The following LIN28B variants were observed in gnomAD, a reference collection of about 807,000 sequenced individuals.
The protein encoded by LIN28B is lin-28 RNA binding posttranscriptional regulator B.
A neutral mutation model predicts 21.9 loss-of-function variants in LIN28B; 5 were observed. That is an observed-to-expected ratio of 0.23 (90% CI 0.12 to 0.48). The LOEUF is 0.48. Among genes scored for constraint, LIN28B ranks in the 20% least tolerant of loss-of-function variants. LIN28B has a pLI of 0.98. For missense variants in LIN28B, 245 were observed against 310.5 expected, an observed-to-expected ratio of 0.79 and a Z score of 1.58; for synonymous variants, 109 against 111.3, an observed-to-expected ratio of 0.98 and a Z score of 0.13.
intron 2 of LIN28B, among the ~76,000 whole-genome samples, chr6:104,984,642 A>G (rs1052166915): frequency 6.6e-6 from 1 of 151,772 alleles, no homozygotes; most frequent in Non-Finnish European, 1.5e-5. Context: ...CATTATGTTG[A>G]CCAGGCTGGT....
rs1371343243 is a variant in LIN28B, at chr6:105,081,241, CTGA to C, written c.*2463_*2465del. On this transcript the variant is annotated 3_prime_UTR_variant, in exon 4 of 4. Transcript: ENST00000345080. ...TATACCTTTATATAAGTATTATGTACTGATGATAGTAACTACCTCTGAGTTTGA... is the reference window on the plus strand; with the variant it reads ...TATACCTTTATATAAGTATTATGTACTGATAGTAACTACCTCTGAGTTTGA... 6.6e-6 allele frequency: 1 copy of C among 152,582 alleles called. No homozygotes were observed. Among genetic ancestry groups the C allele is most frequent in the African/African-American group, 2.4e-5 (1 of 41,436 alleles). 9.5% of individuals were successfully genotyped at this position (152,582 alleles called of 1,614,324 possible).
intron 2 of LIN28B, chr6:104,950,344 G>T (rs1413742212): frequency 4.2e-5 from 21 of 498,072 alleles, no homozygotes; most frequent in Non-Finnish European, 9.4e-6. Context: ...AAGTTTACAG[G>T]TCTCTTCACA....
chr6:104,991,885 CCTGCAATCGCAGGCACT>C (rs1394226928), intron 2 of LIN28B, among the ~76,000 whole-genome samples: 1 of 152,156 alleles, frequency 6.6e-6, no homozygotes, highest in Non-Finnish European at 1.5e-5. Context: ...GCGGCGTGCG[CCTGCAATCGCAGGCACT>C]CGCAGGCTGA....
intron 2 of LIN28B, among the ~76,000 whole-genome samples, chr6:104,984,477 A>T (rs1211175761): frequency 6.6e-6 from 1 of 150,946 alleles, no homozygotes; most frequent in East Asian, 1.9e-4. Context: ...TTTTGTTGAG[A>T]CAGGGTCTCA....
intron 2 of LIN28B, among the ~76,000 whole-genome samples, chr6:105,001,268 C>CTGG (rs1355109072): frequency 1.8e-4 from 27 of 152,348 alleles, no homozygotes; most frequent in African/African-American, 6.5e-4. Context: ...TCTACATGCT[C>CTGG]TGCCTGTGGA....
chr6:104,962,820 C>T (rs1769774693), intron 2 of LIN28B, among the ~76,000 whole-genome samples: 1 of 151,932 alleles, frequency 6.6e-6, no homozygotes, highest in Admixed American at 6.6e-5. Flanking sequence ...TATTGTTATT[C>T]TCTGGGCTGC....
intron 2 of LIN28B, among the ~76,000 whole-genome samples, chr6:104,979,456 G>A (rs578039478): frequency 3.3e-4 from 50 of 151,994 alleles, no homozygotes; most frequent in African/African-American, 1.1e-3. Context: ...TCATCCACCC[G>A]CCTTGGCCTC....
chr6:105,020,508 G>A (rs1771117156), intron 2 of LIN28B, among the ~76,000 whole-genome samples: 1 of 151,664 alleles, frequency 6.6e-6, no homozygotes, highest in African/African-American at 2.4e-5. Context: ...TTGTAGAGAT[G>A]GGGTTTCGCC....
chr6:104,988,569 AT>A (rs369912825), intron 2 of LIN28B, among the ~76,000 whole-genome samples: 185 of 127,132 alleles, frequency 1.5e-3, no homozygotes, highest in Middle Eastern at 8.8e-3. Context: ...GACTACCTAG[AT>A]TTTTTTTTTT....
intron 1 of LIN28B, 31 bp downstream of exon 1, chr6:104,957,291 A>C: frequency 6.5e-7 from 1 of 1,530,588 alleles, no homozygotes; most frequent in Non-Finnish European, 9.0e-7. Context: ...TTTTACTGTG[A>C]ATTTCTTTCT....
intron 3 of LIN28B, among the ~76,000 whole-genome samples, chr6:105,054,864 A>G (rs78867960): frequency 8.1e-6 from 1 of 123,126 alleles, no homozygotes; most frequent in African/African-American, 3.2e-5. Flanking sequence ...TTTTTTTTTT[A>G]GCATTGCTTC....
chr6:104,972,859 C>G (rs1193197738), intron 2 of LIN28B, among the ~76,000 whole-genome samples: 1 of 151,748 alleles, frequency 6.6e-6, no homozygotes, highest in African/African-American at 2.4e-5. Flanking sequence ...GCCTGTAATC[C>G]CAGCACTTTA....
At chr6:104,941,970 A>G (rs755595895) in intron 2 of LIN28B, among the ~76,000 whole-genome samples, 6 of 152,186 alleles carry the variant, frequency 3.9e-5, no homozygotes, top group Admixed American at 6.5e-5. Context: ...TAAGTCCGCC[A>G]TTTTGAATTG....
Position 105,060,988 on chromosome 6 carries a change from G to A in LIN28B, c.384-17426G>A, listed in dbSNP as rs1772113301. 2.0e-5 allele frequency among the ~76,000 whole-genome samples: 3 copies of A among 151,828 alleles called. No homozygotes were observed. The South Asian group carries it at 6.3e-4, about 32-fold the overall frequency. ...ATCTTGGTGACTCTAGAAAGGTACT[G>A]AGAACAAGATAGGAAAATTATATCA... On this transcript the variant is annotated intron_variant, in intron 3 of 3. Coordinates refer to ENST00000345080, the MANE Select transcript of LIN28B (RefSeq NM_001004317.4).
chr6:105,017,072 C>CAAA (rs56179020), intron 2 of LIN28B, among the ~76,000 whole-genome samples: 8,745 of 85,806 alleles, frequency 0.1, 420 homozygotes, highest in Non-Finnish European at 0.14. Flanking sequence ...GACTCTGTCT[C>CAAA]AAAAAAAAAA....
chr6:105,080,044 A>G lies in LIN28B; in HGVS notation c.*1261A>G, dbSNP rs992873465. ...AGAAGTATTTTATACAGTAACTTTG[A>G]TCTTATGGAAGTGACCTTCAATGCT... is the stretch of plus-strand genomic sequence containing the variant. On this transcript the variant is annotated 3_prime_UTR_variant, in exon 4 of 4. Transcript: ENST00000345080. 1.3e-5 allele frequency: 2 copies of G among 152,178 alleles called. No individual in the cohort carries two copies. Among genetic ancestry groups the G allele is most frequent in the African/African-American group, 4.8e-5 (2 of 41,446 alleles). The allele number at this position is 152,178 out of a possible 1,614,324, so 9.4% of individuals were successfully genotyped here.
At chr6:105,032,484 G>C (rs1258116819) in intron 3 of LIN28B, among the ~76,000 whole-genome samples, 3 of 152,042 alleles carry the variant, frequency 2.0e-5, no homozygotes, top group Admixed American at 1.3e-4. Context: ...CAACACTTTG[G>C]GAGGCCGAGG....
chr6:104,972,528 T>C (rs1770001580), intron 2 of LIN28B, among the ~76,000 whole-genome samples: 1 of 152,186 alleles, frequency 6.6e-6, no homozygotes. Context: ...TTTAAGCATC[T>C]TCATGTTTTG....
At chr6:104,983,182 T>C (rs1267413663) in intron 2 of LIN28B, among the ~76,000 whole-genome samples, 1 of 152,188 alleles carries the variant, frequency 6.6e-6, no homozygotes. Flanking sequence ...GGCAAGGGGA[T>C]GGCTTATATA....
Sources: gnomAD v4.1 joint callset for allele counts (sites outside exome capture counted in the v4.1 genomes callset) on GRCh38, gnomAD v4.1.1 for gene constraint, MANE v1.5 for transcripts, NCBI Gene and HGNC (gene_info 2026-07-23, HGNC 2026-07-21) for gene names.